The following TENT2 variants were observed in gnomAD, a reference collection of about 807,000 sequenced individuals.
The protein encoded by TENT2 is terminal nucleotidyltransferase 2.
In TENT2, 44 loss-of-function variants were observed where a neutral mutation model predicts 72.2. The ratio of observed to expected loss-of-function variants is 0.61; its 90% CI spans 0.48 to 0.78. The LOEUF (loss-of-function observed/expected upper bound fraction) is 0.78, where lower values mean the gene tolerates loss of function less well. Ranked by LOEUF, TENT2 falls within the 30% of genes least tolerant of loss-of-function variation. The pLI is 0.00. For synonymous variants in TENT2, 212 were observed against 192.5 expected, an observed-to-expected ratio of 1.10 and a Z score of -0.84; for missense variants, 541 against 569.6, an observed-to-expected ratio of 0.95 and a Z score of 0.51.
At chr5:79,622,563 TTC>T (rs1265412803) in intron 3 of TENT2, among the ~76,000 whole-genome samples, 14 of 152,176 alleles carry the variant, frequency 9.2e-5, no homozygotes, top group African/African-American at 2.9e-4. Flanking sequence ...TTTGATTTCT[TTC>T]TCTTTTTCTT....
intron 4 of TENT2, 62 bp downstream of exon 4, chr5:79,623,551 C>A: frequency 2.6e-6 from 3 of 1,174,918 alleles, no homozygotes; most frequent in South Asian, 1.7e-5. Context: ...ATGTATTAAT[C>A]AAAAATATTT....
At chr5:79,679,346 A>C (rs1484780065) in intron 12 of TENT2, among the ~76,000 whole-genome samples, 1 of 152,192 alleles carries the variant, frequency 6.6e-6, no homozygotes, top group East Asian at 1.9e-4. Context: ...GGGAGACACA[A>C]TGAAGAATAA....
In TENT2 at chr5:79,619,620, A is replaced by G. The variant is rs1232992591; in HGVS notation, c.-29A>G. The G allele has an allele frequency of 6.2e-7, 1 of 1,606,922 alleles. No homozygotes were observed. Among genetic ancestry groups the G allele is most frequent in the African/African-American group, 1.3e-5 (1 of 74,746 alleles). Reference sequence around the variant, plus strand: ...TTTTTAAATTATCCTAGGTAGAAGAATACATGTTCACTTCCAGTGAACAAG... The same window carrying G: ...TTTTTAAATTATCCTAGGTAGAAGAGTACATGTTCACTTCCAGTGAACAAG... On this transcript the variant is annotated 5_prime_UTR_variant, in exon 2 of 15. Coordinates refer to ENST00000453514, the MANE Select transcript of TENT2 (RefSeq NM_001114394.3).
intron 1 of TENT2, among the ~76,000 whole-genome samples, chr5:79,615,928 G>A (rs892725071): frequency 1.3e-5 from 2 of 151,322 alleles, no homozygotes; most frequent in Non-Finnish European, 2.9e-5. Flanking sequence ...TCGTTTTTTC[G>A]CCCAGGCTGG....
At chr5:79,651,040 T>C (rs1238912361) in intron 10 of TENT2, among the ~76,000 whole-genome samples, 1 of 152,116 alleles carries the variant, frequency 6.6e-6, no homozygotes, top group Non-Finnish European at 1.5e-5. Flanking sequence ...TCATTTTGAA[T>C]AAGTTGTGTA....
intron 10 of TENT2, among the ~76,000 whole-genome samples, chr5:79,650,329 A>G (rs1792821422): frequency 6.6e-6 from 1 of 152,090 alleles, no homozygotes; most frequent in Non-Finnish European, 1.5e-5. Flanking sequence ...TGAAGCTTAC[A>G]TTTTTGACTT....
rs562974687 is a variant in TENT2, at chr5:79,619,854, T to C, written c.137+69T>C. The C allele has an allele frequency of 1.5e-5, 23 of 1,536,458 alleles. No individual in the cohort carries two copies. In the East Asian group the frequency reaches 5.0e-4, roughly 33 times the overall value. Reference sequence around the variant, plus strand: ...TTTTCTATTTGACATAAACCCTTTTTGTATGAAACTTTTGAACATGGAGAA... The same window carrying C: ...TTTTCTATTTGACATAAACCCTTTTCGTATGAAACTTTTGAACATGGAGAA... On this transcript the variant is annotated intron_variant, in intron 2 of 14. Coordinates refer to ENST00000453514, the MANE Select transcript of TENT2 (RefSeq NM_001114394.3).
chr5:79,638,749 A>G (rs1043579970), intron 4 of TENT2, among the ~76,000 whole-genome samples: 1 of 152,112 alleles, frequency 6.6e-6, no homozygotes, highest in African/African-American at 2.4e-5. Context: ...AGTATTCATG[A>G]TGAATACCCG....
At chr5:79,646,620 G>GAT (rs1175121734) in intron 8 of TENT2, among the ~76,000 whole-genome samples, 1 of 152,102 alleles carries the variant, frequency 6.6e-6, no homozygotes, top group Non-Finnish European at 1.5e-5. Flanking sequence ...TCCTAAAGCA[G>GAT]ATATAAAATA....
rs547660314 is a variant in TENT2, at chr5:79,650,283, G to A, written c.1027+1093G>A. 5.3e-5 allele frequency among the ~76,000 whole-genome samples: 8 copies of A among 152,208 alleles called. No homozygotes were observed. In the South Asian group the frequency reaches 1.4e-3, roughly 28 times the overall value. On this transcript the variant is annotated intron_variant, in intron 10 of 14. Coordinates refer to ENST00000453514, the MANE Select transcript of TENT2 (RefSeq NM_001114394.3). ...AGGTATTCTAGGATCTGAGAATACA[G>A]CAGTGAACAACATACAAAAACAATT...
At chr5:79,622,806 G>A (rs757764491) in intron 3 of TENT2, among the ~76,000 whole-genome samples, 1 of 152,134 alleles carries the variant, frequency 6.6e-6, no homozygotes, top group Non-Finnish European at 1.5e-5. Flanking sequence ...ATTGAAAAGT[G>A]TTTCTTAATT....
At chr5:79,616,758 A>G (rs929379247) in intron 1 of TENT2, among the ~76,000 whole-genome samples, 3 of 152,252 alleles carry the variant, frequency 2.0e-5, no homozygotes, top group South Asian at 4.1e-4. Flanking sequence ...GTAAAAAGAC[A>G]TAAGGGTCTG....
At chr5:79,667,888 G>A (rs1389742300) in intron 11 of TENT2, among the ~76,000 whole-genome samples, 3 of 149,178 alleles carry the variant, frequency 2.0e-5, no homozygotes, top group Admixed American at 1.3e-4. Context: ...TGAGGGGTTT[G>A]GAATCTTAAC....
chr5:79,681,772 C>A, intron 13 of TENT2: 2 of 414,878 alleles, frequency 4.8e-6, no homozygotes, highest in African/African-American at 2.0e-5. Context: ...TCACCCTCTC[C>A]CTTGAATTCT....
intron 4 of TENT2, among the ~76,000 whole-genome samples, chr5:79,634,113 C>T (rs1401261906): frequency 2.0e-5 from 3 of 149,098 alleles, no homozygotes; most frequent in African/African-American, 7.4e-5. Context: ...CCGAATCGTG[C>T]CACTGCACTC....
At chr5:79,670,619 G>A (rs774449871) in intron 12 of TENT2, among the ~76,000 whole-genome samples, 9 of 151,812 alleles carry the variant, frequency 5.9e-5, no homozygotes, top group African/African-American at 1.7e-4. Flanking sequence ...CACCGTGCTC[G>A]GCCACGGAGC....
At chr5:79,662,896 T>C (rs1804181793) in intron 11 of TENT2, among the ~76,000 whole-genome samples, 1 of 152,202 alleles carries the variant, frequency 6.6e-6, no homozygotes, top group Non-Finnish European at 1.5e-5. Context: ...AGGTTCTAGA[T>C]AGCATCTTCG....
intron 4 of TENT2, among the ~76,000 whole-genome samples, chr5:79,630,060 G>C (rs1774013959): frequency 6.6e-6 from 1 of 151,902 alleles, no homozygotes; most frequent in African/African-American, 2.4e-5. Flanking sequence ...GCTTGAACTT[G>C]GGAGGCAGAG....
At chr5:79,658,381 C>T (rs561982882) in intron 11 of TENT2, among the ~76,000 whole-genome samples, 9 of 148,342 alleles carry the variant, frequency 6.1e-5, no homozygotes, top group Admixed American at 2.0e-4. Context: ...TTCTTAGAGA[C>T]GGTCTTGCTG....
Sources: gnomAD v4.1 joint callset for allele counts (sites outside exome capture counted in the v4.1 genomes callset) on GRCh38, gnomAD v4.1.1 for gene constraint, MANE v1.5 for transcripts, NCBI Gene and HGNC (gene_info 2026-07-23, HGNC 2026-07-21) for gene names.